Variants in CSMD1 observed in about 807,000 individuals in gnomAD.
The protein encoded by CSMD1 is CUB and Sushi multiple domains 1.
Under a neutral mutation model 417.5 loss-of-function variants are expected in CSMD1, and 213 were observed. The observed-to-expected ratio is 0.51, with a 90% CI of 0.46 to 0.57. The LOEUF (loss-of-function observed/expected upper bound fraction) is 0.57, where lower values mean the gene tolerates loss of function less well. Among genes scored for constraint, CSMD1 ranks in the 20% least tolerant of loss-of-function variants. The pLI, the probability that CSMD1 is intolerant of heterozygous loss-of-function variation, is 0.00. For synonymous variants in CSMD1, 2,862 were observed against 1,736.8 expected, an observed-to-expected ratio of 1.65 and a Z score of -16.11; for missense variants, 6,923 against 4,529.7, an observed-to-expected ratio of 1.53 and a Z score of -15.17.
intron 26 of CSMD1, among the ~76,000 whole-genome samples, chr8:3,257,276 A>T (rs1800723338): frequency 6.6e-6 from 1 of 152,168 alleles, no homozygotes; most frequent in Non-Finnish European, 1.5e-5. Flanking sequence ...GCAAGCCAAA[A>T]CCGTGCCACT....
chr8:3,181,913 A>C (rs969809770), intron 36 of CSMD1, among the ~76,000 whole-genome samples: 5 of 152,234 alleles, frequency 3.3e-5, no homozygotes, highest in African/African-American at 1.2e-4. Context: ...TTCATCACTC[A>C]GAAGTTTGAG....
rs1037952066 is a variant in CSMD1, at chr8:4,924,031, C to T, written c.85+70301G>A. On this transcript the variant is annotated intron_variant, in intron 1 of 69. Transcript: ENST00000635120. ...TTCATTTTTGTCCTCTGTCACATCTCAGCTTGCTTGAAGTCTCAATCACTG... is the reference window on the plus strand; with the variant it reads ...TTCATTTTTGTCCTCTGTCACATCTTAGCTTGCTTGAAGTCTCAATCACTG... 6.9e-4 allele frequency among the ~76,000 whole-genome samples: 105 copies of T among 152,286 alleles called. 1 individual carries two copies. The highest frequency in any genetic ancestry group is 2.5e-3 in the African/African-American group (104 of 41,562).
chr8:4,574,859 T>C (rs1042148023), intron 2 of CSMD1, among the ~76,000 whole-genome samples: 3 of 152,208 alleles, frequency 2.0e-5, no homozygotes, highest in Non-Finnish European at 4.4e-5. Context: ...TGCTTCTTCG[T>C]CCAAAATTTA....
At chr8:3,153,873 T>A (rs1819351403) in intron 39 of CSMD1, among the ~76,000 whole-genome samples, 2 of 152,198 alleles carry the variant, frequency 1.3e-5, no homozygotes, top group East Asian at 3.8e-4. Flanking sequence ...ACCACGGTAA[T>A]CCTTTGTTTT....
chr8:4,386,854 T>C (rs1489648659), intron 3 of CSMD1, among the ~76,000 whole-genome samples: 1 of 152,194 alleles, frequency 6.6e-6, no homozygotes, highest in Non-Finnish European at 1.5e-5. Context: ...CAGCAGCAAA[T>C]GTTGAATCCC....
chr8:4,584,186 T>C (rs1333275119), intron 2 of CSMD1, among the ~76,000 whole-genome samples: 1 of 151,828 alleles, frequency 6.6e-6, no homozygotes. Context: ...ACTGCGACGG[T>C]CCGTGGCATC....
At chr8:4,245,146 GC>G (rs1397619064) in intron 3 of CSMD1, among the ~76,000 whole-genome samples, 1 of 152,198 alleles carries the variant, frequency 6.6e-6, no homozygotes, top group Non-Finnish European at 1.5e-5. Context: ...CCATGGAAAT[GC>G]CTGGGTTCAG....
intron 30 of CSMD1, among the ~76,000 whole-genome samples, chr8:3,208,346 A>G (rs1305084072): frequency 6.6e-6 from 1 of 152,154 alleles, no homozygotes; most frequent in African/African-American, 2.4e-5. Context: ...AGCTCACTGC[A>G]ACCTCTGCCC....
chr8:3,140,203 C>G (rs1286435479), intron 41 of CSMD1, among the ~76,000 whole-genome samples: 5 of 152,126 alleles, frequency 3.3e-5, no homozygotes, highest in African/African-American at 1.2e-4. Flanking sequence ...CCACACCCAG[C>G]CCCGATTACC....
Position 3,396,353 on chromosome 8 carries a change from A to G in CSMD1, c.2434T>C (p.Leu812=). 2 of 1,601,456 alleles carry G rather than the reference A, an allele frequency of 1.2e-6. No individual in the cohort carries two copies. Among genetic ancestry groups the G allele is most frequent in the Non-Finnish European group, 1.7e-6 (2 of 1,173,946 alleles). ...CTGGCTGGCCCATCTCTGACCTCCA[A>G]GGTGTCATAATTGACCTCTGTCTGA... ...RFQTEVNYDT[L]EVRDGPASSS... The change falls in exon 17 of 70, where the codon TTG becomes CTG. Residue 812 remains leucine (L), a synonymous_variant. Transcript: ENST00000635120.
rs542583112 is a variant in CSMD1, at chr8:4,442,585, C to G, written c.303-22520G>C. On this transcript the variant is annotated intron_variant, in intron 2 of 69. Coordinates refer to ENST00000635120, the MANE Select transcript of CSMD1 (RefSeq NM_033225.6). ...AGATTTTATCTTGTTTCACTTATAG[C>G]TCTTCCCCAAATTGGCTAGAAAAAC... Among the ~76,000 whole-genome samples the G allele has an allele frequency of 2.6e-5, 4 of 152,296 alleles. No homozygotes were observed. The South Asian group carries it at 8.3e-4, about 32-fold the overall frequency.
At chr8:4,970,783 T>G (rs1810190616) in intron 1 of CSMD1, among the ~76,000 whole-genome samples, 1 of 152,116 alleles carries the variant, frequency 6.6e-6, no homozygotes, top group Non-Finnish European at 1.5e-5. Context: ...GTCTTAATTT[T>G]CCAACTACAG....
At chr8:4,671,827 C>A (rs566914649) in intron 1 of CSMD1, among the ~76,000 whole-genome samples, 2 of 152,120 alleles carry the variant, frequency 1.3e-5, no homozygotes, top group African/African-American at 4.8e-5. Context: ...GAAAAACTTA[C>A]GTTTGAGGAG....
At chr8:4,395,155 A>T (rs890981749) in intron 3 of CSMD1, among the ~76,000 whole-genome samples, 1 of 152,130 alleles carries the variant, frequency 6.6e-6, no homozygotes. Flanking sequence ...CTGTCCTCTG[A>T]CACTCCCTTA....
At chr8:3,377,219 C>T (rs1168210152) in intron 18 of CSMD1, among the ~76,000 whole-genome samples, 1 of 152,080 alleles carries the variant, frequency 6.6e-6, no homozygotes, top group Non-Finnish European at 1.5e-5. Context: ...ACTGTGTTGC[C>T]CAGGCTGGCC....
At chr8:4,350,518 A>G (rs140712132) in intron 3 of CSMD1, among the ~76,000 whole-genome samples, 11 of 152,344 alleles carry the variant, frequency 7.2e-5, no homozygotes, top group African/African-American at 2.6e-4. Context: ...GTGAGCTCTC[A>G]GCCTGAAGGA....
chr8:4,230,892 C>G (rs7834905), intron 3 of CSMD1, among the ~76,000 whole-genome samples: 62,299 of 151,858 alleles, frequency 0.41, 13,245 homozygotes, highest in South Asian at 0.63. Flanking sequence ...GAGTCACCAC[C>G]AAATTCAATA....
intron 3 of CSMD1, among the ~76,000 whole-genome samples, chr8:4,320,560 C>T (rs1799214935): frequency 6.6e-6 from 1 of 152,074 alleles, no homozygotes; most frequent in Non-Finnish European, 1.5e-5. Context: ...TCCCTGTGTC[C>T]ATGTGTTCTC....
intron 12 of CSMD1, among the ~76,000 whole-genome samples, chr8:3,440,994 G>C (rs998159715): frequency 5.9e-5 from 9 of 152,178 alleles, no homozygotes; most frequent in African/African-American, 1.9e-4. Flanking sequence ...AACATCCTGA[G>C]ATTAGATCAT....
Sources: gnomAD v4.1 joint callset for allele counts (sites outside exome capture counted in the v4.1 genomes callset) on GRCh38, gnomAD v4.1.1 for gene constraint, MANE v1.5 for transcripts, NCBI Gene and HGNC (gene_info 2026-07-23, HGNC 2026-07-21) for gene names.